Variants in FHIT observed in about 807,000 individuals in gnomAD.
FHIT encodes bis(5'-adenosyl)-triphosphatase.
In FHIT, 19 loss-of-function variants were observed where a neutral mutation model predicts 17.9. The observed-to-expected ratio is 1.06, with a 90% CI of 0.74 to 1.56. The LOEUF is 1.56. FHIT is among the 40% of genes most tolerant of loss of function. FHIT has a pLI of 0.00. For synonymous variants in FHIT, 81 were observed against 69.7 expected (o/e 1.16, Z -0.81); for missense variants, 248 against 189.2 (o/e 1.31, Z -1.82).
At chr3:60,093,838 A>C (rs534666033) in intron 5 of FHIT, among the ~76,000 whole-genome samples, 1 of 152,312 alleles carries the variant, frequency 6.6e-6, no homozygotes, top group African/African-American at 2.4e-5. Context: ...GTCTTCCATG[A>C]AACAAGGTCC....
chr3:60,384,248 C>T (rs1038443697), intron 5 of FHIT, among the ~76,000 whole-genome samples: 1 of 145,328 alleles, frequency 6.9e-6, no homozygotes, highest in African/African-American at 2.6e-5. Context: ...AGCCTGGTGA[C>T]AGACCAAGAC....
At chr3:61,062,758 G>A (rs778947054) in intron 2 of FHIT, among the ~76,000 whole-genome samples, 58 of 152,090 alleles carry the variant, frequency 3.8e-4, no homozygotes, top group Non-Finnish European at 7.1e-4. Context: ...GAATTAAGTG[G>A]ATCTGATTCT....
At chr3:59,832,710 T>C (rs1701206990) in intron 8 of FHIT, among the ~76,000 whole-genome samples, 4 of 152,200 alleles carry the variant, frequency 2.6e-5, no homozygotes. Context: ...TTGGGGGTTG[T>C]TTGTTACTGC....
At chr3:60,057,176 T>G (rs1183167230) in intron 5 of FHIT, among the ~76,000 whole-genome samples, 1 of 152,228 alleles carries the variant, frequency 6.6e-6, no homozygotes, top group Non-Finnish European at 1.5e-5. Flanking sequence ...GTACATCCTA[T>G]GCATTATTTC....
At chr3:59,904,754 G>C (rs1324000571) in intron 8 of FHIT, among the ~76,000 whole-genome samples, 3 of 152,210 alleles carry the variant, frequency 2.0e-5, no homozygotes, top group African/African-American at 7.2e-5. Flanking sequence ...GACGAAAACA[G>C]TTTTTAGCGA....
At chr3:60,247,898 T>G (rs938111139) in intron 5 of FHIT, among the ~76,000 whole-genome samples, 4 of 152,188 alleles carry the variant, frequency 2.6e-5, no homozygotes, top group African/African-American at 7.2e-5. Context: ...TAACTCTTTT[T>G]GTTATGACTA....
chr3:60,855,202 T>A (rs1170276893), intron 3 of FHIT, among the ~76,000 whole-genome samples: 1 of 152,166 alleles, frequency 6.6e-6, no homozygotes, highest in South Asian at 2.1e-4. Context: ...TAGCCTTAGA[T>A]AATGAATAAT....
At chr3:59,767,967 C>G (rs186060) in intron 8 of FHIT, among the ~76,000 whole-genome samples, 4 of 152,130 alleles carry the variant, frequency 2.6e-5, no homozygotes, top group Non-Finnish European at 5.9e-5. Context: ...TTGATGAACT[C>G]TAGGGTAGGT....
intron 5 of FHIT, among the ~76,000 whole-genome samples, chr3:60,283,424 A>G (rs1308080852): frequency 2.6e-5 from 4 of 152,124 alleles, no homozygotes; most frequent in Non-Finnish European, 4.4e-5. Flanking sequence ...TTCACATACC[A>G]TAACATTTAT....
At chr3:60,521,021 A>G (rs1435575630) in intron 5 of FHIT, among the ~76,000 whole-genome samples, 2 of 152,178 alleles carry the variant, frequency 1.3e-5, no homozygotes, top group Non-Finnish European at 2.9e-5. Context: ...GTTTATTTTA[A>G]ATCCAGGGTG....
At chr3:59,764,131 C>A (rs1701673598) in intron 8 of FHIT, among the ~76,000 whole-genome samples, 1 of 152,216 alleles carries the variant, frequency 6.6e-6, no homozygotes, top group South Asian at 2.1e-4. Context: ...GTCTCTCACA[C>A]ACCCTAACAT....
At chr3:60,338,810 G>A (rs979397238) in intron 5 of FHIT, among the ~76,000 whole-genome samples, 3 of 152,112 alleles carry the variant, frequency 2.0e-5, no homozygotes, top group Admixed American at 6.6e-5. Context: ...CAACTGATAC[G>A]CAAAACACCA....
intron 2 of FHIT, among the ~76,000 whole-genome samples, chr3:61,049,524 A>T (rs554553215): frequency 5.9e-5 from 9 of 152,280 alleles, no homozygotes; most frequent in African/African-American, 2.2e-4. Context: ...GTAACAGAAC[A>T]GTCTGACAAT....
At position 60,465,032 on chromosome 3, in the gene FHIT, T is replaced by C. The variant is rs922080598; in HGVS notation, c.103+71828A>G. ...TCTCCAGCACTTGTTATTGCCTGTC[T>C]TTTGCATATCTTTTCATTATTTTGT... On this transcript the variant is annotated intron_variant, in intron 5 of 9. Transcript: ENST00000492590. Among the ~76,000 whole-genome samples the C allele has an allele frequency of 1.8e-4, 28 of 152,294 alleles. 1 individual carries two copies. Among genetic ancestry groups the C allele is most frequent in the Admixed American group, 1.8e-3 (27 of 15,296 alleles).
At chr3:59,840,921 C>G (rs1391792950) in intron 8 of FHIT, among the ~76,000 whole-genome samples, 1 of 152,092 alleles carries the variant, frequency 6.6e-6, no homozygotes, top group African/African-American at 2.4e-5. Context: ...CATCATTTAG[C>G]AAATACACTA....
chr3:59,892,233 G>A (rs759615501), intron 8 of FHIT, among the ~76,000 whole-genome samples: 1 of 152,196 alleles, frequency 6.6e-6, no homozygotes, highest in Non-Finnish European at 1.5e-5. Flanking sequence ...GCACAACAAA[G>A]CGAGCTTTGA....
chr3:60,628,044 T>C (rs1181564096), intron 4 of FHIT, among the ~76,000 whole-genome samples: 1 of 152,212 alleles, frequency 6.6e-6, no homozygotes, highest in South Asian at 2.1e-4. Context: ...AGGTGAAACA[T>C]AGGTTACTGA....
At chr3:60,066,337 C>T (rs1486018116) in intron 5 of FHIT, among the ~76,000 whole-genome samples, 2 of 152,166 alleles carry the variant, frequency 1.3e-5, no homozygotes, top group African/African-American at 2.4e-5. Flanking sequence ...CATTCCCAGG[C>T]TGGTCCAGTG....
At chr3:60,936,528 A>C (rs1286884539) in intron 3 of FHIT, among the ~76,000 whole-genome samples, 5 of 152,334 alleles carry the variant, frequency 3.3e-5, no homozygotes, top group Non-Finnish European at 7.4e-5. Context: ...TCATTGAAAA[A>C]TTATGAGCCA....
Sources: allele counts gnomAD v4.1 joint callset (sites outside exome capture counted in the v4.1 genomes callset), GRCh38; gene constraint gnomAD v4.1.1; transcripts MANE v1.5; gene names NCBI Gene and HGNC (gene_info 2026-07-23, HGNC 2026-07-21).